FHIT: variants seen among roughly 807,000 people sequenced by gnomAD.
FHIT encodes the protein bis(5'-adenosyl)-triphosphatase.
A neutral mutation model predicts 17.9 loss-of-function variants in FHIT; 19 were observed. The observed-to-expected ratio is 1.06, with a 90% CI of 0.74 to 1.56. The LOEUF (loss-of-function observed/expected upper bound fraction) is 1.56. Ranked by LOEUF, FHIT falls within the 40% of genes most tolerant of loss-of-function variation. The probability of loss-of-function intolerance (pLI) is 0.00; values close to 1 mark genes in which losing one functional copy is unlikely to be tolerated. For missense variants in FHIT, 248 were observed against 189.2 expected (o/e 1.31, Z -1.82); for synonymous variants, 81 against 69.7 (o/e 1.16, Z -0.81).
rs572445548 is a variant in FHIT, at chr3:60,465,769, A to G, written c.103+71091T>C. Among the ~76,000 whole-genome samples, 7 of 152,234 alleles carry G rather than the reference A, an allele frequency of 4.6e-5. No individual in the cohort carries two copies. In the South Asian group the frequency reaches 1.5e-3, roughly 32 times the overall value. The stretch of plus-strand genomic sequence containing the variant: ...TCTATGTGTCTGTTTTTATGCCAGT[A>G]CCATGCTGTTTTGGTTACTATATCT... On this transcript the variant is annotated intron_variant, in intron 5 of 9. Transcript: ENST00000492590.
At chr3:60,390,395 C>CAAAAAAAAAAAAAAAA (rs1701172943) in intron 5 of FHIT, among the ~76,000 whole-genome samples, 2 of 45,092 alleles carry the variant, frequency 4.4e-5, no homozygotes, top group South Asian at 1.1e-3. Context: ...TGTAATGGAG[C>CAAAAAAAAAAAAAAAA]TAAAAAAAAA....
rs541761494 is a variant in FHIT at position 60,002,450 on chromosome 3, A to C, written c.279+8921T>G. Among the ~76,000 whole-genome samples the C allele has an allele frequency of 6.1e-4, 93 of 152,288 alleles. 1 individual carries two copies. The highest frequency in any genetic ancestry group is 1.2e-3 in the Non-Finnish European group (83 of 68,018). On this transcript the variant is annotated intron_variant, in intron 7 of 9. Transcript: ENST00000492590. ...GAACGGATCTATTAGACAATAAGGT[A>C]GGATGGATGCCTCATGACATGGGAA...
chr3:61,062,592 C>T (rs1402069507), intron 2 of FHIT, among the ~76,000 whole-genome samples: 1 of 152,150 alleles, frequency 6.6e-6, no homozygotes, highest in East Asian at 1.9e-4. Flanking sequence ...TCAGTAGAGA[C>T]ATTGAGAATG....
intron 3 of FHIT, among the ~76,000 whole-genome samples, chr3:61,016,818 C>A (rs567865454): frequency 1.3e-5 from 2 of 152,320 alleles, no homozygotes; most frequent in Admixed American, 1.3e-4. Context: ...AGCATACAGG[C>A]AATTTACAAA....
chr3:59,987,199 T>A (rs76928205), intron 7 of FHIT, among the ~76,000 whole-genome samples: 7,081 of 145,836 alleles, frequency 0.049, 197 homozygotes, highest in Middle Eastern at 0.07. Flanking sequence ...TAGGAAATCC[T>A]ATATATATTT....
chr3:60,806,991 T>C (rs1553734477), intron 4 of FHIT, among the ~76,000 whole-genome samples: 7 of 152,158 alleles, frequency 4.6e-5, no homozygotes. Flanking sequence ...ACTTACCAAT[T>C]TGTCTGAAAT....
intron 4 of FHIT, among the ~76,000 whole-genome samples, chr3:60,635,871 T>G (rs1247919172): frequency 6.6e-6 from 1 of 152,068 alleles, no homozygotes; most frequent in African/African-American, 2.4e-5. Flanking sequence ...ATATATATAG[T>G]CTCTTGCATT....
chr3:61,073,316 T>C (rs2106747677), intron 2 of FHIT, among the ~76,000 whole-genome samples: 1 of 152,292 alleles, frequency 6.6e-6, no homozygotes, highest in Admixed American at 6.5e-5. Context: ...TCTTGGCCTA[T>C]AGGGGCCCTA....
intron 3 of FHIT, among the ~76,000 whole-genome samples, chr3:60,829,078 GC>G (rs1702226112): frequency 6.6e-6 from 1 of 152,150 alleles, no homozygotes; most frequent in African/African-American, 2.4e-5. Context: ...AAAAGTCATT[GC>G]AAAATGATCT....
chr3:60,177,877 T>G (rs1355942812), intron 5 of FHIT, among the ~76,000 whole-genome samples: 1 of 152,198 alleles, frequency 6.6e-6, no homozygotes, highest in Admixed American at 6.5e-5. Flanking sequence ...GGGTCAGTGC[T>G]GTGAATCTGA....
chr3:61,081,569 C>G (rs1161020521), intron 2 of FHIT, among the ~76,000 whole-genome samples: 1 of 152,160 alleles, frequency 6.6e-6, no homozygotes, highest in African/African-American at 2.4e-5. Context: ...ATTCAGGGCA[C>G]CATCCACCCA....
At chr3:60,354,735 T>C (rs1699570381) in intron 5 of FHIT, among the ~76,000 whole-genome samples, 1 of 152,208 alleles carries the variant, frequency 6.6e-6, no homozygotes, top group South Asian at 2.1e-4. Flanking sequence ...CCGGTCCAAT[T>C]GGTAATATCT....
intron 3 of FHIT, among the ~76,000 whole-genome samples, chr3:60,941,300 T>A (rs1553774466): frequency 6.6e-6 from 1 of 152,152 alleles, no homozygotes; most frequent in African/African-American, 2.4e-5. Context: ...TACAACACTT[T>A]GAGTAGTACT....
intron 6 of FHIT, among the ~76,000 whole-genome samples, chr3:60,011,750 A>C (rs1436623886): frequency 2.6e-5 from 4 of 152,218 alleles, no homozygotes; most frequent in Non-Finnish European, 5.9e-5. Context: ...GAGGTGGTTT[A>C]ATTAATGTCT....
intron 7 of FHIT, among the ~76,000 whole-genome samples, chr3:59,938,096 C>T (rs1431756531): frequency 2.0e-5 from 3 of 152,126 alleles, no homozygotes; most frequent in African/African-American, 4.8e-5. Flanking sequence ...AAGATATCTG[C>T]ACCCTCATGT....
intron 5 of FHIT, among the ~76,000 whole-genome samples, chr3:60,499,049 A>ATAAG (rs2034416737): frequency 6.6e-6 from 1 of 151,358 alleles, no homozygotes. Flanking sequence ...GTTCCTATAA[A>ATAAG]TGCTTCATAG....
intron 7 of FHIT, among the ~76,000 whole-genome samples, chr3:59,935,400 C>G (rs937880110): frequency 2.0e-5 from 3 of 152,106 alleles, no homozygotes; most frequent in African/African-American, 7.2e-5. Flanking sequence ...AAAGAGCATG[C>G]TCAAATGCCA....
At chr3:60,388,847 A>C (rs778549085) in intron 5 of FHIT, among the ~76,000 whole-genome samples, 3 of 152,116 alleles carry the variant, frequency 2.0e-5, no homozygotes, top group Non-Finnish European at 4.4e-5. Context: ...TGTCATCTGT[A>C]TCTAACAGAC....
intron 5 of FHIT, among the ~76,000 whole-genome samples, chr3:60,376,038 A>G (rs1700545430): frequency 6.6e-6 from 1 of 152,208 alleles, no homozygotes; most frequent in African/African-American, 2.4e-5. Flanking sequence ...ATGCAGAAGC[A>G]GAAGAAGACA....
Sources: gnomAD v4.1 joint callset for allele counts (sites outside exome capture counted in the v4.1 genomes callset) on GRCh38, gnomAD v4.1.1 for gene constraint, MANE v1.5 for transcripts, NCBI Gene and HGNC (gene_info 2026-07-23, HGNC 2026-07-21) for gene names.